UNC5B: variants seen among roughly 807,000 people sequenced by gnomAD.
The protein encoded by UNC5B is unc-5 netrin receptor B.
Under a neutral mutation model 103.7 loss-of-function variants are expected in UNC5B, and 56 were observed. The ratio of observed to expected loss-of-function variants is 0.54; its 90% CI spans 0.44 to 0.67. The LOEUF is 0.67. UNC5B is among the 30% of genes least tolerant of loss of function. UNC5B has a pLI of 0.00. For missense variants in UNC5B, 1,194 were observed against 1,284.5 expected, an observed-to-expected ratio of 0.93 and a Z score of 1.08; for synonymous variants, 577 against 542.0, an observed-to-expected ratio of 1.06 and a Z score of -0.90.
At chr10:71,255,609 T>C (rs940887575) in intron 1 of UNC5B, among the ~76,000 whole-genome samples, 1 of 152,220 alleles carries the variant, frequency 6.6e-6, no homozygotes, top group Admixed American at 6.5e-5. Flanking sequence ...GCGCCATCCA[T>C]CCCCAGTCAG....
intron 1 of UNC5B, among the ~76,000 whole-genome samples, chr10:71,226,731 C>T (rs553982912): frequency 1.8e-4 from 28 of 152,292 alleles, no homozygotes; most frequent in East Asian, 5.8e-4. Flanking sequence ...CAAATGAATT[C>T]GCTAATATTA....
intron 1 of UNC5B, among the ~76,000 whole-genome samples, chr10:71,249,542 G>GCTA (rs2132268637): frequency 6.6e-6 from 1 of 152,320 alleles, no homozygotes; most frequent in Non-Finnish European, 1.5e-5. Flanking sequence ...CCGAGACCAT[G>GCTA]CTATACAGGT....
In UNC5B at chr10:71,288,733, G is replaced by A; in HGVS notation, c.1066+1G>A. 1 of 1,606,138 alleles carries A rather than the reference G, an allele frequency of 6.2e-7. No individual in the cohort carries two copies. The highest frequency in any genetic ancestry group is 8.5e-7 in the Non-Finnish European group (1 of 1,174,778). On this transcript the variant is annotated splice_donor_variant, in intron 7 of 16. Coordinates refer to ENST00000335350, the MANE Select transcript of UNC5B (RefSeq NM_170744.5). LOFTEE classifies it high-confidence loss of function. Reference sequence around the variant, plus strand: ...TGCACAGATGGGCTGTGCATGCAAAGTGAGTCACAGGGAAGGTGGGGCCCT... The same window carrying A: ...TGCACAGATGGGCTGTGCATGCAAAATGAGTCACAGGGAAGGTGGGGCCCT...
intron 1 of UNC5B, among the ~76,000 whole-genome samples, chr10:71,226,127 T>C (rs1372699645): frequency 6.6e-6 from 1 of 152,214 alleles, no homozygotes; most frequent in Non-Finnish European, 1.5e-5. Context: ...CAGGCTGGAG[T>C]GCAGTGGCAC....
In UNC5B at chr10:71,291,437, C is replaced by G. The variant is rs771191110; in HGVS notation, c.1300C>G (p.Pro434Ala). ...VNFKTARPSN[P>A]QLLHPSVPPD... ...TATAGCCCCTACTCCTGCAGGCAAC[C>G]CGCAGCTCCTACACCCCTCTGTGCC... Residue 434 changes from proline to alanine, a missense_variant, in exon 10 of 17, where the codon CCG becomes GCG. Physicochemically the swap from Pro to Ala is conservative, Grantham distance 27 (BLOSUM62 -1). Transcript: ENST00000335350. 1 of 1,602,722 alleles carries G rather than the reference C, an allele frequency of 6.2e-7. No homozygotes were observed. Among genetic ancestry groups the G allele is most frequent in the Non-Finnish European group, 8.5e-7 (1 of 1,173,920 alleles).
In UNC5B at chr10:71,212,894, G is replaced by A; in HGVS notation, c.-92G>A. 1 of 1,063,866 alleles carries A rather than the reference G, an allele frequency of 9.4e-7. No homozygotes were observed. The highest frequency in any genetic ancestry group is 1.2e-6 in the Non-Finnish European group (1 of 834,108). 65.9% of individuals were successfully genotyped at this position (1,063,866 alleles called of 1,614,324 possible). ...TGCCGGGCGCCGGGGAGGACGGCGA[G>A]GAGGAGGCGGCGGCGGCGGAGACGG... On this transcript the variant is annotated 5_prime_UTR_variant, in exon 1 of 17. Coordinates refer to ENST00000335350, the MANE Select transcript of UNC5B (RefSeq NM_170744.5).
intron 1 of UNC5B, among the ~76,000 whole-genome samples, chr10:71,263,973 G>A (rs926465800): frequency 6.6e-6 from 1 of 152,202 alleles, no homozygotes; most frequent in Non-Finnish European, 1.5e-5. Flanking sequence ...GATGTACTCT[G>A]AGCTAAATGG....
At chr10:71,238,885 T>C (rs1564711400) in intron 1 of UNC5B, among the ~76,000 whole-genome samples, 1 of 152,088 alleles carries the variant, frequency 6.6e-6, no homozygotes, top group Non-Finnish European at 1.5e-5. Flanking sequence ...GCTCAAATGA[T>C]CTCCCGCCCC....
intron 1 of UNC5B, among the ~76,000 whole-genome samples, chr10:71,251,953 G>T (rs141091145): frequency 2.7e-4 from 41 of 152,318 alleles, no homozygotes; most frequent in African/African-American, 9.1e-4. Flanking sequence ...TACCAGGTGT[G>T]ACATCTTTGT....
chr10:71,276,344 C>T (rs1331370528), intron 1 of UNC5B, among the ~76,000 whole-genome samples: 1 of 152,082 alleles, frequency 6.6e-6, no homozygotes, highest in East Asian at 1.9e-4. Context: ...AGCTGGTATC[C>T]GTGCAGCCTG....
In UNC5B at chr10:71,285,351, G is replaced by C. The variant is rs1212309222; in HGVS notation, c.474G>C (p.Glu158Asp). The C allele has an allele frequency of 6.2e-7, 1 of 1,611,454 alleles. No individual in the cohort carries two copies. The highest frequency in any genetic ancestry group is 1.1e-5 in the South Asian group (1 of 90,208). The change falls in exon 4 of 17, where the codon GAG (glutamate) becomes GAC (aspartate). Residue 158 changes from glutamate (E) to aspartate (D), a missense_variant. Coordinates refer to ENST00000335350, the MANE Select transcript of UNC5B (RefSeq NM_170744.5). ...IAYLRKNFDQ[E>D]PLGKEVPLDH... ...ACCTGCGCAAGAACTTCGATCAGGAGCCTCTGGGCAAGGAGGTGCCCCTGG... is the reference window on the plus strand; with the variant it reads ...ACCTGCGCAAGAACTTCGATCAGGACCCTCTGGGCAAGGAGGTGCCCCTGG...
intron 1 of UNC5B, among the ~76,000 whole-genome samples, chr10:71,261,759 G>A (rs1285419674): frequency 6.6e-6 from 1 of 152,210 alleles, no homozygotes; most frequent in Non-Finnish European, 1.5e-5. Flanking sequence ...CTTACTGGCT[G>A]TGTGACTGGG....
At chr10:71,275,541 C>T (rs917441633) in intron 1 of UNC5B, among the ~76,000 whole-genome samples, 5 of 152,192 alleles carry the variant, frequency 3.3e-5, no homozygotes, top group Non-Finnish European at 7.3e-5. Flanking sequence ...CCTAAATGCC[C>T]ATTTCCAGTT....
Position 71,293,626 on chromosome 10 carries a change from C to T in UNC5B, c.1941+53C>T. 3 of 1,609,562 alleles carry T rather than the reference C, an allele frequency of 1.9e-6. No homozygotes were observed. In the South Asian group the frequency reaches 3.3e-5, roughly 18 times the overall value. ...AGCTCTCCCAACCTGCCCAGGGAGG[C>T]AAAAGAAAGCCCTTTTCCTCTGGCC... On this transcript the variant is annotated intron_variant, in intron 12 of 16. Coordinates refer to ENST00000335350, the MANE Select transcript of UNC5B (RefSeq NM_170744.5).
chr10:71,246,231 G>T (rs984299084), intron 1 of UNC5B, among the ~76,000 whole-genome samples: 1 of 152,206 alleles, frequency 6.6e-6, no homozygotes, highest in Non-Finnish European at 1.5e-5. Context: ...GGCGTGGCTT[G>T]GGGGGCTGCA....
At chr10:71,247,368 G>A (rs547294221) in intron 1 of UNC5B, among the ~76,000 whole-genome samples, 1 of 152,338 alleles carries the variant, frequency 6.6e-6, no homozygotes, top group East Asian at 1.9e-4. Context: ...GGCCATGGCT[G>A]TAGGGAAGGC....
chr10:71,284,366 G>A (rs1001651507), intron 2 of UNC5B, among the ~76,000 whole-genome samples: 1 of 152,194 alleles, frequency 6.6e-6, no homozygotes, highest in Non-Finnish European at 1.5e-5. Flanking sequence ...TGGATGCACA[G>A]TGCAGCTCAG....
chr10:71,212,838 C>T lies in UNC5B; in HGVS notation c.-148C>T. 1.7e-6 allele frequency: 1 copy of T among 573,236 alleles called. No individual in the cohort carries two copies. Among genetic ancestry groups the T allele is most frequent in the Non-Finnish European group, 2.6e-6 (1 of 390,484 alleles). The allele number at this position is 573,236 out of a possible 1,614,324, so 35.5% of individuals were successfully genotyped here. A position where few individuals can be genotyped will look rare whatever the true frequency, so the allele number is the denominator to read the frequency against. Reference sequence around the variant, plus strand: ...GCGGCCCTCCGCGCAGCGTGGCTTCCGCTGCCCCCACGGAAGGCACGGGCT... The same window carrying T: ...GCGGCCCTCCGCGCAGCGTGGCTTCTGCTGCCCCCACGGAAGGCACGGGCT... On this transcript the variant is annotated 5_prime_UTR_variant, in exon 1 of 17. Coordinates refer to ENST00000335350, the MANE Select transcript of UNC5B (RefSeq NM_170744.5).
At chr10:71,269,344 C>CCA (rs1173496779) in intron 1 of UNC5B, among the ~76,000 whole-genome samples, 5 of 10,128 alleles carry the variant, frequency 4.9e-4, no homozygotes, top group Non-Finnish European at 1.0e-3. Flanking sequence ...AAAATGAAGT[C>CCA]CCCCCCCCAC....
Sources: gnomAD v4.1 joint callset for allele counts (sites outside exome capture counted in the v4.1 genomes callset) on GRCh38, gnomAD v4.1.1 for gene constraint, MANE v1.5 for transcripts, NCBI Gene and HGNC (gene_info 2026-07-23, HGNC 2026-07-21) for gene names.